The following IGF2BP2 variants were observed in gnomAD, a reference collection of about 807,000 sequenced individuals.
IGF2BP2 encodes insulin like growth factor 2 mRNA binding protein 2, also known as insulin-like growth factor 2 mRNA-binding protein 2.
In IGF2BP2, 17 loss-of-function variants were observed where a neutral mutation model predicts 75.8. The ratio of observed to expected loss-of-function variants is 0.22; its 90% CI spans 0.15 to 0.34. The LOEUF (loss-of-function observed/expected upper bound fraction) is 0.34. Among genes scored for constraint, IGF2BP2 ranks in the 10% least tolerant of loss-of-function variants. IGF2BP2 has a pLI of 1.00. For synonymous variants in IGF2BP2, 288 were observed against 295.6 expected (o/e 0.97, Z 0.26); for missense variants, 516 against 772.4 (o/e 0.67, Z 3.93).
At chr3:185,750,862 C>T (rs780594166) in intron 2 of IGF2BP2, among the ~76,000 whole-genome samples, 2 of 152,346 alleles carry the variant, frequency 1.3e-5, no homozygotes, top group Admixed American at 6.5e-5. Context: ...CAAACCGTCA[C>T]ACCACTTGAA....
intron 7 of IGF2BP2, among the ~76,000 whole-genome samples, chr3:185,679,608 C>T (rs1013188228): frequency 2.6e-5 from 4 of 151,700 alleles, no homozygotes; most frequent in Admixed American, 1.3e-4. Context: ...TTTATTTTAA[C>T]GTTTTTTCGT....
At chr3:185,660,677 A>G (rs757454801) in intron 10 of IGF2BP2, among the ~76,000 whole-genome samples, 1 of 152,172 alleles carries the variant, frequency 6.6e-6, no homozygotes, top group Non-Finnish European at 1.5e-5. Flanking sequence ...TGGGTGAAGC[A>G]GTTTCTCTCT....
In IGF2BP2 at chr3:185,820,665, G is replaced by A. The variant is rs1466417579; in HGVS notation, c.239+2488C>T. Among the ~76,000 whole-genome samples, 3 of 151,994 alleles carry A rather than the reference G, an allele frequency of 2.0e-5. No individual in the cohort carries two copies. The East Asian group carries it at 5.8e-4, about 29-fold the overall frequency. On this transcript the variant is annotated intron_variant, in intron 2 of 15. Coordinates refer to ENST00000382199, the MANE Select transcript of IGF2BP2 (RefSeq NM_006548.6). ...AAAAGATACAACTGGTAAGCAAATG[G>A]CATGCCAATAATTTCATAAGATAAA...
At chr3:185,669,146 A>G (rs969738510) in intron 10 of IGF2BP2, among the ~76,000 whole-genome samples, 1 of 152,220 alleles carries the variant, frequency 6.6e-6, no homozygotes, top group Admixed American at 6.5e-5. Context: ...TCCGTTACAC[A>G]CACTCTTGAT....
intron 2 of IGF2BP2, among the ~76,000 whole-genome samples, chr3:185,704,025 G>T (rs1010489047): frequency 6.6e-6 from 1 of 152,148 alleles, no homozygotes; most frequent in African/African-American, 2.4e-5. Context: ...AGGATTCCCA[G>T]GTAACTTTTG....
chr3:185,809,938 T>C (rs922939099), intron 2 of IGF2BP2, among the ~76,000 whole-genome samples: 8 of 152,146 alleles, frequency 5.3e-5, no homozygotes, highest in African/African-American at 1.9e-4. Context: ...ATTTTTTAAA[T>C]TCAAAAGACC....
At chr3:185,818,136 T>C (rs956215124) in intron 2 of IGF2BP2, among the ~76,000 whole-genome samples, 1 of 152,206 alleles carries the variant, frequency 6.6e-6, no homozygotes, top group Non-Finnish European at 1.5e-5. Flanking sequence ...TGAGAGCACT[T>C]GTGTTATGCA....
intron 2 of IGF2BP2, among the ~76,000 whole-genome samples, chr3:185,741,918 A>G (rs574307206): frequency 1.3e-5 from 2 of 152,326 alleles, no homozygotes; most frequent in South Asian, 4.1e-4. Context: ...AGAAACATGA[A>G]CAACCCCTCT....
intron 2 of IGF2BP2, among the ~76,000 whole-genome samples, chr3:185,808,184 T>C (rs538628613): frequency 8.6e-5 from 13 of 151,200 alleles, no homozygotes; most frequent in African/African-American, 3.2e-4. Flanking sequence ...TGTTTTAAAT[T>C]GCTAATAGAG....
At chr3:185,663,622 G>C (rs950137562) in intron 10 of IGF2BP2, among the ~76,000 whole-genome samples, 1 of 152,200 alleles carries the variant, frequency 6.6e-6, no homozygotes, top group African/African-American at 2.4e-5. Flanking sequence ...GAAGAAATCA[G>C]GGGGTGGGAG....
chr3:185,802,003 G>C (rs1267346894), intron 2 of IGF2BP2, among the ~76,000 whole-genome samples: 2 of 151,788 alleles, frequency 1.3e-5, no homozygotes, highest in South Asian at 2.1e-4. Flanking sequence ...TCACACACCA[G>C]GGCCTGTCAA....
At chr3:185,743,031 G>A (rs929464570) in intron 2 of IGF2BP2, among the ~76,000 whole-genome samples, 3 of 151,066 alleles carry the variant, frequency 2.0e-5, no homozygotes, top group Non-Finnish European at 3.0e-5. Context: ...TCTGGGAGGC[G>A]GAGGTTGCAG....
At chr3:185,688,050 T>C (rs1721395694) in intron 6 of IGF2BP2, among the ~76,000 whole-genome samples, 1 of 152,178 alleles carries the variant, frequency 6.6e-6, no homozygotes, top group African/African-American at 2.4e-5. Context: ...TACCAAACAG[T>C]AACTTCCCTC....
chr3:185,790,430 A>G (rs1214110555), intron 2 of IGF2BP2, among the ~76,000 whole-genome samples: 1 of 152,202 alleles, frequency 6.6e-6, no homozygotes, highest in Non-Finnish European at 1.5e-5. Flanking sequence ...GCTTTAAGGG[A>G]ACCACTAAGA....
chr3:185,705,591 T>C (rs1219201896), intron 2 of IGF2BP2, among the ~76,000 whole-genome samples: 3 of 152,268 alleles, frequency 2.0e-5, no homozygotes, highest in African/African-American at 7.2e-5. Flanking sequence ...CTTAATATGA[T>C]GTATCTTGGT....
At chr3:185,777,129 G>C (rs1402123349) in intron 2 of IGF2BP2, among the ~76,000 whole-genome samples, 1 of 152,132 alleles carries the variant, frequency 6.6e-6, no homozygotes, top group African/African-American at 2.4e-5. Context: ...GAAACTACAG[G>C]AAGTCCTCAC....
intron 2 of IGF2BP2, among the ~76,000 whole-genome samples, chr3:185,702,418 C>T (rs1306831014): frequency 6.6e-6 from 1 of 152,140 alleles, no homozygotes; most frequent in Admixed American, 6.5e-5. Flanking sequence ...CTCCCTGAAA[C>T]TGTGCCCTGC....
intron 2 of IGF2BP2, chr3:185,821,175 AG>A: frequency 7.0e-7 from 1 of 1,433,194 alleles, no homozygotes; most frequent in Non-Finnish European, 9.1e-7. Context: ...AATAAAGGAA[AG>A]GAAAAAAAAA....
chr3:185,789,701 T>A (rs1372596026), intron 2 of IGF2BP2, among the ~76,000 whole-genome samples: 1 of 150,832 alleles, frequency 6.6e-6, no homozygotes, highest in Non-Finnish European at 1.5e-5. Flanking sequence ...CTAGACTATG[T>A]GAGTTTCTGT....
Sources: gnomAD v4.1 joint callset for allele counts (sites outside exome capture counted in the v4.1 genomes callset) on GRCh38, gnomAD v4.1.1 for gene constraint, MANE v1.5 for transcripts, NCBI Gene and HGNC (gene_info 2026-07-23, HGNC 2026-07-21) for gene names.